SPTBN2: variants seen among roughly 807,000 people sequenced by gnomAD.
SPTBN2 encodes spectrin beta, non-erythrocytic 2.
SPTBN2 carries 107 observed loss-of-function variants against 284.2 expected under a neutral mutation model. That is an observed-to-expected ratio of 0.38 (90% CI 0.32 to 0.44). SPTBN2 has a LOEUF of 0.44. Among genes scored for constraint, SPTBN2 ranks in the 20% least tolerant of loss-of-function variants. The pLI is 1.00. For synonymous variants in SPTBN2, 1,289 were observed against 1,354.8 expected, an observed-to-expected ratio of 0.95 and a Z score of 1.07; for missense variants, 2,569 against 3,287.1, an observed-to-expected ratio of 0.78 and a Z score of 5.34.
intron 16 of SPTBN2, 77 bp from the exon 17 acceptor site, chr11:66,701,359 T>C: frequency 6.4e-7 from 1 of 1,571,566 alleles, no homozygotes; most frequent in East Asian, 2.3e-5. Flanking sequence ...TCTCTCTCTC[T>C]TGGTAGCTCC....
Position 66,691,295 on chromosome 11 carries a change from G to A in SPTBN2, c.5554C>T (p.Leu1852Phe). 1.3e-6 allele frequency: 2 copies of A among 1,531,934 alleles called. No individual in the cohort carries two copies. The highest frequency in any genetic ancestry group is 1.8e-6 in the Non-Finnish European group (2 of 1,136,328). The allele number at this position is 1,531,934 out of a possible 1,614,324, so 94.9% of individuals were successfully genotyped here. The change falls in exon 27 of 38, where the codon CTC (leucine) becomes TTC (phenylalanine). Residue 1852 changes from leucine (L) to phenylalanine (F), a missense_variant. By Grantham distance (22) the Leu-to-Phe change is conservative. Around this residue, in one of 6 missense-constraint regions of SPTBN2, gnomAD observed 1,130 missense variants for 1,317.3 expected, o/e 0.86. Transcript: ENST00000533211. The surrounding 1 kb of genome is among the most constrained non-coding windows in gnomAD (Gnocchi z 8.0). The part of the protein sequence containing the change: ...HCAYEHDIQA[L>F]SPQVQQVQDD... The stretch of plus-strand genomic sequence containing the variant: ...TGCTTGGGTCAGACCTGGGGGCTGA[G>A]GGCCTGAATGTCATGCTCGTAGGCA...
Position 66,718,415 on chromosome 11 carries a change from G to A in SPTBN2, c.158-2434C>T, listed in dbSNP as rs540100560. Among the ~76,000 whole-genome samples, 1 of 152,196 alleles carries A rather than the reference G, an allele frequency of 6.6e-6. No homozygotes were observed. ...AGGTCCCTCTCGCCCAGGCACAGTC[G>A]TCCCCACAGGGGGCCCCCGGGCCTC... is the stretch of plus-strand genomic sequence containing the variant. On this transcript the variant is annotated intron_variant, in intron 3 of 37. Transcript: ENST00000533211. This position sits in a 1 kb window ranked among gnomAD's most constrained non-coding sequence, Gnocchi z 4.8.
intron 1 of SPTBN2, among the ~76,000 whole-genome samples, chr11:66,743,790 C>A (rs1942923594): frequency 1.3e-5 from 2 of 152,148 alleles, no homozygotes. Flanking sequence ...CCCACCTTTG[C>A]GGGGGAAGCT....
chr11:66,692,238 T>TA (rs1169880521), intron 26 of SPTBN2, among the ~76,000 whole-genome samples: 2 of 151,858 alleles, frequency 1.3e-5, no homozygotes, highest in Admixed American at 6.6e-5. Flanking sequence ...GCCTGGCTAA[T>TA]AAAAAAAAAT....
At chr11:66,698,833 G>T in intron 19 of SPTBN2, 48 bp from the exon 20 acceptor site, 2 of 1,610,562 alleles carry the variant, frequency 1.2e-6, no homozygotes, top group Non-Finnish European at 1.7e-6. Flanking sequence ...GGGAGAGGGG[G>T]GCATAAAAGC....
rs2135470398 is a variant in SPTBN2, at chr11:66,707,998, C to T, written c.1350+143G>A. The T allele has an allele frequency of 4.8e-6, 7 of 1,457,644 alleles. No individual in the cohort carries two copies. Among genetic ancestry groups the T allele is most frequent in the Non-Finnish European group, 5.7e-6 (6 of 1,057,692 alleles). 90.3% of individuals were successfully genotyped at this position (1,457,644 alleles called of 1,614,324 possible). ...CTCTCTCCTGTCCCACCCTCTGGCC[C>T]CTGGCTCCCGGACCTCTAGGCCTTT... On this transcript the variant is annotated intron_variant, in intron 12 of 37. Coordinates refer to ENST00000533211, the MANE Select transcript of SPTBN2 (RefSeq NM_006946.4). This position sits in a 1 kb window ranked among gnomAD's most constrained non-coding sequence, Gnocchi z 4.9.
rs766236489 is a variant in SPTBN2, at chr11:66,705,376, G to A, written c.1900C>T (p.Arg634Trp). 31 of 1,612,516 alleles carry A rather than the reference G, an allele frequency of 1.9e-5. No individual in the cohort carries two copies. The highest frequency in any genetic ancestry group is 4.5e-5 in the East Asian group (2 of 44,884). The change falls in exon 15 of 38, where the codon CGG becomes TGG. Residue 634 changes from arginine (R) to tryptophan (W), a missense_variant. Coordinates refer to ENST00000533211, the MANE Select transcript of SPTBN2 (RefSeq NM_006946.4). Reference sequence around the variant, plus strand: ...CGCCGTGATTCCTCCAGCCGGGCCCGCCGCGCCGCTGCCAACTCGCACAGT... The same window carrying A: ...CGCCGTGATTCCTCCAGCCGGGCCCACCGCGCCGCTGCCAACTCGCACAGT... The part of the protein sequence containing the change: ...EALCELAAAR[R>W]ARLEESRRLW...
In SPTBN2 at chr11:66,696,426, G is replaced by C. The variant is rs753802658; in HGVS notation, c.4129C>G (p.Arg1377Gly). The change falls in exon 21 of 38, where the codon CGC becomes GGC. Residue 1377 changes from arginine to glycine, a missense_variant. Transcript: ENST00000533211. ...GCTCGGTTGGCATCAAAGAGGCTGC[G>C]GGCCTTGGCTTGGGTGGTGGTCTCC... Reference protein sequence around the residue: ...ELETTTQAKARSLFDANRAEL... With the variant: ...ELETTTQAKAGSLFDANRAEL... The C allele has an allele frequency of 6.2e-7, 1 of 1,613,104 alleles. No homozygotes were observed.
intron 29 of SPTBN2, 34 bp from the exon 30 acceptor site, chr11:66,689,214 C>T (rs752129436): frequency 6.3e-7 from 1 of 1,584,872 alleles, no homozygotes; most frequent in East Asian, 2.3e-5. Flanking sequence ...GAGTTAGCAC[C>T]AGGATGTGAG....
At chr11:66,726,934 G>A (rs1454554134) in intron 1 of SPTBN2, among the ~76,000 whole-genome samples, 1 of 152,152 alleles carries the variant, frequency 6.6e-6, no homozygotes, top group African/African-American at 2.4e-5. Context: ...GCAGAAGGAA[G>A]GAACAGCAAA....
chr11:66,688,069 G>A lies in SPTBN2; in HGVS notation c.6385C>T (p.Arg2129Trp), dbSNP rs556784868. Residue 2129 changes from arginine (R) to tryptophan (W), a missense_variant, in exon 33 of 38, where the codon CGG (arginine) becomes TGG (tryptophan). This residue lies in a region of SPTBN2 where 1,130 missense variants were observed against 1,317.3 expected (regional missense o/e 0.86). Coordinates refer to ENST00000533211, the MANE Select transcript of SPTBN2 (RefSeq NM_006946.4). ...SDTTWDGTQP[R>W]PPPSTQAPSV... is the part of the protein sequence containing the mutation. Reference sequence around the variant, plus strand: ...GGTGCTTGTGTGGATGGTGGTGGCCGTGGCTGGGTTCTGGGATGACCAAAG... The same window carrying A: ...GGTGCTTGTGTGGATGGTGGTGGCCATGGCTGGGTTCTGGGATGACCAAAG... 3.7e-5 allele frequency: 60 copies of A among 1,614,048 alleles called. No homozygotes were observed. The African/African-American group carries it at 3.7e-4, about 10-fold the overall frequency.
chr11:66,698,918 G>A, intron 19 of SPTBN2, 74 bp downstream of exon 19: 1 of 1,604,106 alleles, frequency 6.2e-7, no homozygotes, highest in Non-Finnish European at 8.5e-7. Context: ...CCGGTACCTT[G>A]TGCTGGACTT....
rs887564979 is a variant in SPTBN2, at chr11:66,684,097, G to A, written c.*1774C>T. 3.3e-5 allele frequency among the ~76,000 whole-genome samples: 5 copies of A among 152,192 alleles called. No homozygotes were observed. Among genetic ancestry groups the A allele is most frequent in the Admixed American group, 6.5e-5 (1 of 15,278 alleles). ...TTCTGGGCCTGCACACACCTAACTC[G>A]GTCTTCGTCATGACTGATGATAGGC... is the stretch of plus-strand genomic sequence containing the variant. On this transcript the variant is annotated 3_prime_UTR_variant, in exon 38 of 38. Coordinates refer to ENST00000533211, the MANE Select transcript of SPTBN2 (RefSeq NM_006946.4).
chr11:66,707,398 G>A lies in SPTBN2; in HGVS notation c.1653+118C>T, dbSNP rs371043372. On this transcript the variant is annotated intron_variant, in intron 13 of 37. Transcript: ENST00000533211. This position sits in a 1 kb window ranked among gnomAD's most constrained non-coding sequence, Gnocchi z 4.9. The stretch of plus-strand genomic sequence containing the variant: ...CTTTGTTCCCTGCAACTGGGGACAG[G>A]GCCCTGTGCTGGTTCACACTCCACA... The A allele has an allele frequency of 1.8e-6, 2 of 1,087,764 alleles. No individual in the cohort carries two copies. Among genetic ancestry groups the A allele is most frequent in the South Asian group, 1.5e-5 (1 of 67,062 alleles). The allele number at this position is 1,087,764 out of a possible 1,614,324, so 67.4% of individuals were successfully genotyped here. A position where few individuals can be genotyped will look rare whatever the true frequency, so the allele number is the denominator to read the frequency against.
Position 66,691,609 on chromosome 11 carries a change from C to A in SPTBN2, c.5240G>T (p.Gly1747Val). The A allele has an allele frequency of 6.2e-7, 1 of 1,613,882 alleles. No individual in the cohort carries two copies. Among genetic ancestry groups the A allele is most frequent in the Non-Finnish European group, 8.5e-7 (1 of 1,180,048 alleles). The change falls in exon 27 of 38, where the codon GGT becomes GTT. Residue 1747 changes from glycine (G) to valine (V), a missense_variant. Transcript: ENST00000533211. This position sits in a 1 kb window ranked among gnomAD's most constrained non-coding sequence, Gnocchi z 8.0. ...REFSRDTSTI[G>V]QERVDSANAL... is the part of the protein sequence containing the mutation. ...ATTGGCGCTATCTACGCGCTCCTGA[C>A]CGATGGTGCTTGTGTCCCGGGAGAA...
chr11:66,735,794 C>T (rs1942847687), intron 1 of SPTBN2, among the ~76,000 whole-genome samples: 1 of 152,164 alleles, frequency 6.6e-6, no homozygotes, highest in Non-Finnish European at 1.5e-5. Context: ...TGTCAGATTG[C>T]GTTATCTTGA....
intron 13 of SPTBN2, 96 bp from the exon 14 acceptor site, chr11:66,705,933 G>C: frequency 2.0e-6 from 3 of 1,516,140 alleles, no homozygotes; most frequent in Non-Finnish European, 2.7e-6. Context: ...CCCAGGTGTT[G>C]CACCCAGGTG....
upstream of SPTBN2, among the ~76,000 whole-genome samples, chr11:66,734,113 T>A (rs984979295): frequency 4.6e-5 from 7 of 152,210 alleles, no homozygotes; most frequent in African/African-American, 1.7e-4. Flanking sequence ...TTTTCTTCTT[T>A]TGTTATGGGG....
chr11:66,727,254 C>A (rs1173197805), intron 1 of SPTBN2, among the ~76,000 whole-genome samples: 1 of 152,180 alleles, frequency 6.6e-6, no homozygotes, highest in African/African-American at 2.4e-5. Context: ...ACTCACTCTG[C>A]CCCTCTTCAC....
Sources: gnomAD v4.1 joint callset for allele counts (sites outside exome capture counted in the v4.1 genomes callset) on GRCh38, gnomAD v4.1.1 for gene constraint, gnomAD v4.1.1 regional missense constraint, Gnocchi (gnomAD v3.1) non-coding constraint, MANE v1.5 for transcripts, NCBI Gene and HGNC (gene_info 2026-07-23, HGNC 2026-07-21) for gene names.